The following PTPRD variants were observed in gnomAD, a reference collection of about 807,000 sequenced individuals.
PTPRD encodes receptor-type tyrosine-protein phosphatase delta.
A neutral mutation model predicts 214.5 loss-of-function variants in PTPRD; 34 were observed. The observed-to-expected ratio is 0.16, with a 90% confidence interval of 0.12 to 0.21. The LOEUF (loss-of-function observed/expected upper bound fraction) is 0.21. Among genes scored for constraint, PTPRD ranks in the 10% least tolerant of loss-of-function variants. The pLI is 1.00. For synonymous variants in PTPRD, 1,128 were observed against 845.7 expected (o/e 1.33, Z -5.79); for missense variants, 2,545 against 2,398.7 (o/e 1.06, Z -1.27).
At chr9:10,553,204 G>A (rs1017571044) in intron 2 of PTPRD, among the ~76,000 whole-genome samples, 4 of 152,114 alleles carry the variant, frequency 2.6e-5, no homozygotes, top group Non-Finnish European at 5.9e-5. Flanking sequence ...CAGGCAGAAA[G>A]CAAAGTAATA....
chr9:10,208,645 G>C (rs948098652), intron 3 of PTPRD, among the ~76,000 whole-genome samples: 3 of 152,220 alleles, frequency 2.0e-5, no homozygotes, highest in Non-Finnish European at 4.4e-5. Context: ...ATCCTTGGGA[G>C]TCTGCTCCCC....
intron 10 of PTPRD, among the ~76,000 whole-genome samples, chr9:9,099,885 A>G (rs2099788962): frequency 6.6e-6 from 1 of 152,122 alleles, no homozygotes; most frequent in Admixed American, 6.5e-5. Context: ...GCTACACTGA[A>G]GGGTGAGGAA....
chr9:10,307,013 C>A (rs1003464818), intron 3 of PTPRD, among the ~76,000 whole-genome samples: 1 of 152,076 alleles, frequency 6.6e-6, no homozygotes, highest in Non-Finnish European at 1.5e-5. Flanking sequence ...ATGTAATAAT[C>A]AAGTCTGGAT....
At chr9:9,956,706 G>A (rs888461152) in intron 4 of PTPRD, among the ~76,000 whole-genome samples, 7 of 152,014 alleles carry the variant, frequency 4.6e-5, no homozygotes, top group African/African-American at 7.2e-5. Flanking sequence ...ACAAGGGAAT[G>A]GCCCATAGGA....
At chr9:9,304,705 A>G (rs2135086215) in intron 9 of PTPRD, among the ~76,000 whole-genome samples, 1 of 151,272 alleles carries the variant, frequency 6.6e-6, no homozygotes, top group South Asian at 2.1e-4. Context: ...ATATAATACT[A>G]TATAATCTCT....
intron 2 of PTPRD, among the ~76,000 whole-genome samples, chr9:10,503,872 T>C (rs2044773324): frequency 6.6e-6 from 1 of 151,612 alleles, no homozygotes; most frequent in South Asian, 2.1e-4. Context: ...ATCCCAGCAC[T>C]TTGGGAGGCC....
At chr9:8,999,242 A>C (rs535936480) in intron 11 of PTPRD, among the ~76,000 whole-genome samples, 80 of 152,146 alleles carry the variant, frequency 5.3e-4, no homozygotes, top group African/African-American at 1.9e-3. Flanking sequence ...ATCTTTCATG[A>C]AAGGAAAAGT....
chr9:8,466,461 GAGAT>G (rs2096546037), intron 31 of PTPRD, among the ~76,000 whole-genome samples: 1 of 151,898 alleles, frequency 6.6e-6, no homozygotes, highest in Non-Finnish European at 1.5e-5. Flanking sequence ...CTAAAGAAAA[GAGAT>G]AGAGTTTATT....
intron 12 of PTPRD, among the ~76,000 whole-genome samples, chr9:8,658,713 C>CT (rs917204560): frequency 6.6e-5 from 10 of 150,464 alleles, no homozygotes; most frequent in Non-Finnish European, 1.2e-4. Flanking sequence ...AGAAATTCTC[C>CT]TTTTTTTGTC....
At chr9:8,461,530 T>C (rs2096402242) in intron 32 of PTPRD, among the ~76,000 whole-genome samples, 1 of 151,948 alleles carries the variant, frequency 6.6e-6, no homozygotes, top group Non-Finnish European at 1.5e-5. Context: ...CAACAGAAAC[T>C]AATCCATATC....
At chr9:10,502,154 G>A (rs891828436) in intron 2 of PTPRD, among the ~76,000 whole-genome samples, 5 of 151,820 alleles carry the variant, frequency 3.3e-5, no homozygotes, top group South Asian at 4.1e-4. Flanking sequence ...ATGCAAATTA[G>A]CAAAGAGAGG....
At chr9:8,520,890 A>T (rs187836784) in intron 20 of PTPRD, among the ~76,000 whole-genome samples, 2 of 152,106 alleles carry the variant, frequency 1.3e-5, no homozygotes, top group African/African-American at 4.8e-5. Flanking sequence ...TAGAAATTTT[A>T]AGCATTTATT....
chr9:8,902,500 C>T (rs564791361), intron 11 of PTPRD, among the ~76,000 whole-genome samples: 19 of 151,908 alleles, frequency 1.3e-4, no homozygotes, highest in Admixed American at 2.6e-4. Context: ...TGTGCCACCA[C>T]ACCTGGCTAA....
At chr9:9,160,426 T>C (rs1302762034) in intron 10 of PTPRD, among the ~76,000 whole-genome samples, 1 of 152,120 alleles carries the variant, frequency 6.6e-6, no homozygotes, top group African/African-American at 2.4e-5. Flanking sequence ...CAGGTACATT[T>C]AAAAAATGCT....
intron 7 of PTPRD, among the ~76,000 whole-genome samples, chr9:9,694,312 T>A (rs1315344672): frequency 6.6e-6 from 1 of 152,132 alleles, no homozygotes; most frequent in Non-Finnish European, 1.5e-5. Flanking sequence ...AGACTTGTAG[T>A]GGTACTCTCT....
chr9:9,290,270 T>C (rs1950731015), intron 9 of PTPRD, among the ~76,000 whole-genome samples: 1 of 151,792 alleles, frequency 6.6e-6, no homozygotes, highest in Admixed American at 6.6e-5. Context: ...TTGAAAAATG[T>C]CTATTCAGGT....
chr9:9,152,668 C>T lies in PTPRD; in HGVS notation c.-143+30636G>A, dbSNP rs186671509. Among the ~76,000 whole-genome samples the T allele has an allele frequency of 3.2e-4, 48 of 152,230 alleles. 1 individual carries two copies. The highest frequency in any genetic ancestry group is 1.0e-3 in the African/African-American group (43 of 41,542). On this transcript the variant is annotated intron_variant, in intron 10 of 45. Coordinates refer to ENST00000381196, the MANE Select transcript of PTPRD (RefSeq NM_002839.4). ...TTTCACCTTTCGAATATTGCTGTGG[C>T]GCTGTAGAGGCTAGTCCAAAAGAGG...
intron 9 of PTPRD, among the ~76,000 whole-genome samples, chr9:9,244,726 G>C (rs1029933005): frequency 6.6e-6 from 1 of 152,066 alleles, no homozygotes; most frequent in Admixed American, 6.5e-5. Flanking sequence ...ATAGGCATGG[G>C]CAAGGACTTC....
intron 10 of PTPRD, among the ~76,000 whole-genome samples, chr9:9,065,236 A>G (rs1299664224): frequency 2.6e-5 from 4 of 152,190 alleles, no homozygotes; most frequent in Non-Finnish European, 4.4e-5. Context: ...TAGGGTGAAA[A>G]GGGGTGCCTT....
Sources: gnomAD v4.1 joint callset for allele counts (sites outside exome capture counted in the v4.1 genomes callset) on GRCh38, gnomAD v4.1.1 for gene constraint, MANE v1.5 for transcripts, NCBI Gene and HGNC (gene_info 2026-07-23, HGNC 2026-07-21) for gene names.